ARNT2: variants seen among roughly 807,000 people sequenced by gnomAD.
The protein encoded by ARNT2 is aryl hydrocarbon receptor nuclear translocator 2.
ARNT2 carries 36 observed loss-of-function variants against 91.7 expected under a neutral mutation model. That is an observed-to-expected ratio of 0.39 (90% CI 0.30 to 0.52). The LOEUF is 0.52. Among genes scored for constraint, ARNT2 ranks in the 20% least tolerant of loss-of-function variants. The pLI, the probability that ARNT2 is intolerant of heterozygous loss-of-function variation, is 0.72. For missense variants in ARNT2, 775 were observed against 939.3 expected, an observed-to-expected ratio of 0.83 and a Z score of 2.29; for synonymous variants, 365 against 347.1, an observed-to-expected ratio of 1.05 and a Z score of -0.57.
intron 17 of ARNT2, among the ~76,000 whole-genome samples, chr15:80,584,877 T>C (rs1046379612): frequency 6.6e-6 from 1 of 152,238 alleles, no homozygotes; most frequent in Non-Finnish European, 1.5e-5. Context: ...GGATTTGGAA[T>C]GCCTGCTGAG....
intron 12 of ARNT2, among the ~76,000 whole-genome samples, chr15:80,565,011 T>C (rs1457920817): frequency 6.6e-6 from 1 of 152,056 alleles, no homozygotes; most frequent in Non-Finnish European, 1.5e-5. Context: ...CAGCCTCGAC[T>C]TCCTGAGCTC....
chr15:80,451,424 G>A (rs1287591057), intron 2 of ARNT2, among the ~76,000 whole-genome samples: 2 of 152,216 alleles, frequency 1.3e-5, no homozygotes, highest in African/African-American at 4.8e-5. Flanking sequence ...CAAAATAATT[G>A]GCTAAATCTC....
chr15:80,587,362 T>C (rs1893191957), intron 17 of ARNT2, among the ~76,000 whole-genome samples: 3 of 151,838 alleles, frequency 2.0e-5, no homozygotes, highest in African/African-American at 4.8e-5. Flanking sequence ...TTTATGATAA[T>C]GACAAGTGTT....
chr15:80,418,285 C>G (rs192074486), intron 1 of ARNT2, among the ~76,000 whole-genome samples: 9 of 152,292 alleles, frequency 5.9e-5, no homozygotes, highest in African/African-American at 2.2e-4. Flanking sequence ...ATTCCCAGTT[C>G]CACTGCGGGA....
In ARNT2 at chr15:80,552,742, A is replaced by G. The variant is rs144149727; in HGVS notation, c.1057A>G (p.Arg353Gly). 6.2e-7 allele frequency: 1 copy of G among 1,614,136 alleles called. No individual in the cohort carries two copies. The highest frequency in any genetic ancestry group is 8.5e-7 in the Non-Finnish European group (1 of 1,179,990). The change falls in exon 10 of 19, where the codon AGA (arginine) becomes GGA (glycine). Residue 353 changes from arginine to glycine, a missense_variant. Physicochemically the swap from Arg to Gly is moderately radical, Grantham distance 125. Coordinates refer to ENST00000303329, the MANE Select transcript of ARNT2 (RefSeq NM_014862.4). ...SDGIITFVDP[R>G]CISVIGYQPQ... is the part of the protein sequence containing the mutation. ...TGGAATCATCACATTTGTGGATCCA[A>G]GATGTATCAGTGTGATTGGCTACCA...
In ARNT2 at chr15:80,574,136, C is replaced by A; in HGVS notation, c.1317-12C>A. ...GTTCTTCATGACCCTCTGTTGTCTT[C>A]TTGTTTCACAGGCAACTTCAGCAAC... On this transcript the variant is annotated splice_polypyrimidine_tract_variant and intron_variant, in intron 12 of 18. Transcript: ENST00000303329. 1 of 1,613,898 alleles carries A rather than the reference C, an allele frequency of 6.2e-7. No homozygotes were observed. Among genetic ancestry groups the A allele is most frequent in the South Asian group, 1.1e-5 (1 of 91,080 alleles).
At chr15:80,476,805 G>A (rs796271250) in intron 5 of ARNT2, among the ~76,000 whole-genome samples, 4 of 152,198 alleles carry the variant, frequency 2.6e-5, no homozygotes, top group Admixed American at 6.5e-5. Flanking sequence ...ACAATAAACC[G>A]AATAGCTTTT....
chr15:80,558,929 G>C (rs1265047115), intron 11 of ARNT2, among the ~76,000 whole-genome samples: 1 of 152,206 alleles, frequency 6.6e-6, no homozygotes. Flanking sequence ...AGTGGTGGGG[G>C]CCTCCATTCT....
intron 1 of ARNT2, among the ~76,000 whole-genome samples, chr15:80,408,133 G>A (rs1194849057): frequency 1.3e-5 from 2 of 152,106 alleles, no homozygotes; most frequent in Admixed American, 6.5e-5. Context: ...GGAATTAATT[G>A]TATAGTGCAG....
Position 80,530,950 on chromosome 15 carries a change from A to G in ARNT2, c.877+16545A>G, listed in dbSNP as rs921917904. On this transcript the variant is annotated intron_variant, in intron 8 of 18. Coordinates refer to ENST00000303329, the MANE Select transcript of ARNT2 (RefSeq NM_014862.4). ...CCACAGTTGCATATTAAATTCTCTT[A>G]GACTTCTACAGTGATGAAATCTCTT... Among the ~76,000 whole-genome samples the G allele has an allele frequency of 3.3e-5, 5 of 152,346 alleles. No homozygotes were observed. In the East Asian group the frequency reaches 5.8e-4, roughly 18 times the overall value.
At chr15:80,459,553 A>C (rs1896524100) in intron 3 of ARNT2, among the ~76,000 whole-genome samples, 1 of 152,194 alleles carries the variant, frequency 6.6e-6, no homozygotes, top group Admixed American at 6.5e-5. Context: ...CTGGGGCCTC[A>C]AAACATAAAG....
intron 1 of ARNT2, among the ~76,000 whole-genome samples, chr15:80,438,768 C>T (rs1357862545): frequency 6.6e-6 from 1 of 152,154 alleles, no homozygotes; most frequent in African/African-American, 2.4e-5. Flanking sequence ...CGGCCCACTA[C>T]GACCTCCATC....
chr15:80,521,551 A>C (rs1445475635), intron 8 of ARNT2, among the ~76,000 whole-genome samples: 1 of 152,172 alleles, frequency 6.6e-6, no homozygotes, highest in Non-Finnish European at 1.5e-5. Flanking sequence ...CTATAGCAAT[A>C]ATAATTGTTA....
chr15:80,551,112 G>T, intron 8 of ARNT2, 87 bp from the exon 9 acceptor site: 1 of 1,345,788 alleles, frequency 7.4e-7, no homozygotes, highest in Non-Finnish European at 1.1e-6. Flanking sequence ...CTGTATTTTC[G>T]ATTGCTTAAA....
chr15:80,427,749 T>C (rs1895952704), intron 1 of ARNT2, among the ~76,000 whole-genome samples: 1 of 152,248 alleles, frequency 6.6e-6, no homozygotes, highest in African/African-American at 2.4e-5. Flanking sequence ...TTGCTTGGTA[T>C]ATTTCTAGGG....
chr15:80,482,127 C>T (rs967324258), intron 5 of ARNT2, among the ~76,000 whole-genome samples: 3 of 152,182 alleles, frequency 2.0e-5, no homozygotes, highest in African/African-American at 7.2e-5. Context: ...CTAGGCTGGT[C>T]TCACACTCCT....
rs559029606 is a variant in ARNT2, at chr15:80,524,548, A to G, written c.877+10143A>G. ...CATCTACATGATAAAATACTGGACA[A>G]TAATTAAACAGGCATGCTTTTAGAG... On this transcript the variant is annotated intron_variant, in intron 8 of 18. Transcript: ENST00000303329. 4.6e-5 allele frequency among the ~76,000 whole-genome samples: 7 copies of G among 152,324 alleles called. No individual in the cohort carries two copies. The East Asian group carries it at 1.2e-3, about 25-fold the overall frequency.
intron 3 of ARNT2, among the ~76,000 whole-genome samples, chr15:80,461,897 A>G (rs558199741): frequency 6.6e-6 from 1 of 152,144 alleles, no homozygotes; most frequent in Non-Finnish European, 1.5e-5. Flanking sequence ...TTATCAAGTC[A>G]CTGATCCTAA....
chr15:80,543,121 A>AG (rs1897938632), intron 8 of ARNT2, among the ~76,000 whole-genome samples: 1 of 144,412 alleles, frequency 6.9e-6, no homozygotes, highest in Non-Finnish European at 1.5e-5. Context: ...AAAAAAAAAA[A>AG]GAAAAGTGCG....
Sources: gnomAD v4.1 joint callset for allele counts (sites outside exome capture counted in the v4.1 genomes callset) on GRCh38, gnomAD v4.1.1 for gene constraint, MANE v1.5 for transcripts, NCBI Gene and HGNC (gene_info 2026-07-23, HGNC 2026-07-21) for gene names.